GPHN: variants seen among roughly 807,000 people sequenced by gnomAD.
GPHN encodes gephyrin.
A neutral mutation model predicts 95.5 loss-of-function variants in GPHN; 17 were observed. That is an observed-to-expected ratio of 0.18 (90% CI 0.12 to 0.27). GPHN has a LOEUF of 0.27. Among genes scored for constraint, GPHN ranks in the 10% least tolerant of loss-of-function variants. The pLI is 1.00. For missense variants in GPHN, 660 were observed against 978.1 expected, an observed-to-expected ratio of 0.67 and a Z score of 4.34; for synonymous variants, 320 against 322.5, an observed-to-expected ratio of 0.99 and a Z score of 0.08.
At chr14:67,608,882 TCTC>T in the GPHN span, among the ~76,000 whole-genome samples, 3 of 152,150 alleles carry the variant, frequency 2.0e-5, no homozygotes, top group Non-Finnish European at 4.4e-5. Context: ...ACAGTTTGAT[TCTC>T]CTGTTGTTTC....
intron 4 of GPHN, among the ~76,000 whole-genome samples, chr14:66,829,888 T>A (rs147758854): frequency 2.6e-5 from 4 of 151,924 alleles, no homozygotes; most frequent in Admixed American, 6.6e-5. Context: ...GCCTGTCACC[T>A]TTTTTTTGCA....
the GPHN span, among the ~76,000 whole-genome samples, chr14:67,285,680 T>C: frequency 6.6e-6 from 1 of 152,234 alleles, no homozygotes; most frequent in Admixed American, 6.5e-5. Context: ...CTTAGGTAAT[T>C]TTAATGTTTA....
chr14:66,551,891 A>G (rs917231590), intron 1 of GPHN, among the ~76,000 whole-genome samples: 4 of 152,152 alleles, frequency 2.6e-5, no homozygotes, highest in African/African-American at 7.2e-5. Flanking sequence ...ATCACCTCCC[A>G]CCAGGCCACT....
At chr14:67,588,342 C>CA in the GPHN span, 4 of 152,528 alleles carry the variant, frequency 2.6e-5, no homozygotes, top group Admixed American at 6.5e-5. Context: ...GTAAGACCAC[C>CA]AAAAATGAGT....
At chr14:67,010,681 G>A (rs1338559279) in intron 9 of GPHN, among the ~76,000 whole-genome samples, 3 of 151,880 alleles carry the variant, frequency 2.0e-5, no homozygotes, top group South Asian at 2.1e-4. Context: ...TTTAAAACAT[G>A]TGGGATGTAA....
the GPHN span, among the ~76,000 whole-genome samples, chr14:67,402,482 T>A: frequency 1.3e-5 from 2 of 152,232 alleles, no homozygotes; most frequent in Non-Finnish European, 2.9e-5. Flanking sequence ...TTATTGACTA[T>A]AGTCACCCTG....
the GPHN span, among the ~76,000 whole-genome samples, chr14:67,469,859 C>T: frequency 6.6e-6 from 1 of 152,254 alleles, no homozygotes; most frequent in East Asian, 1.9e-4. Flanking sequence ...TTGGGGGTAC[C>T]CTCAGCCACC....
the GPHN span, among the ~76,000 whole-genome samples, chr14:67,625,672 C>T: frequency 1.7e-5 from 2 of 115,170 alleles, no homozygotes; most frequent in African/African-American, 7.3e-5. Context: ...GAGAGCAAAA[C>T]TCCATCTCAA....
At chr14:66,862,196 G>A (rs1485180010) in intron 4 of GPHN, among the ~76,000 whole-genome samples, 1 of 151,970 alleles carries the variant, frequency 6.6e-6, no homozygotes, top group Non-Finnish European at 1.5e-5. Flanking sequence ...AATCATTAGT[G>A]GCTACTATGA....
At chr14:67,679,536 T>G in the GPHN span, among the ~76,000 whole-genome samples, 2 of 152,024 alleles carry the variant, frequency 1.3e-5, no homozygotes, top group African/African-American at 4.8e-5. Flanking sequence ...CCAGAGTAGC[T>G]GGGATTATAG....
chr14:67,214,913 A>C, the GPHN span, among the ~76,000 whole-genome samples: 2 of 152,008 alleles, frequency 1.3e-5, no homozygotes, highest in Non-Finnish European at 2.9e-5. Flanking sequence ...TAGGTATTTT[A>C]TTCCCTTTGA....
rs756320626 is a variant in GPHN, at chr14:67,159,411, G to A, written c.1837-4G>A. 1.9e-6 allele frequency: 3 copies of A among 1,564,458 alleles called. No homozygotes were observed. In the East Asian group the frequency reaches 6.7e-5, roughly 35 times the overall value. On this transcript the variant is annotated splice_polypyrimidine_tract_variant and splice_region_variant and intron_variant, in intron 18 of 22. Transcript: ENST00000478722. Reference sequence around the variant, plus strand: ...AGTAAAGTGATTATTTTTAATGTTTGCAGGACTATCTCAAGCAGGTGCTGG... The same window carrying A: ...AGTAAAGTGATTATTTTTAATGTTTACAGGACTATCTCAAGCAGGTGCTGG...
the GPHN span, among the ~76,000 whole-genome samples, chr14:67,403,287 C>T: frequency 1.3e-5 from 2 of 152,264 alleles, no homozygotes; most frequent in East Asian, 1.9e-4. Context: ...GGTAGTCAAA[C>T]ATGGGAAAAC....
rs544218305 is a variant in GPHN at position 66,539,278 on chromosome 14, C to G, written c.64+30687C>G. 6.6e-5 allele frequency among the ~76,000 whole-genome samples: 10 copies of G among 152,212 alleles called. No homozygotes were observed. In the South Asian group the frequency reaches 8.3e-4, roughly 13 times the overall value. ...CACTGTAATACTGAGGGAGATTTCA[C>G]TCTGCCCTTCTAGCACGTCTCCCAG... On this transcript the variant is annotated intron_variant, in intron 1 of 22. Coordinates refer to ENST00000478722, the MANE Select transcript of GPHN (RefSeq NM_020806.5).
At chr14:67,333,025 C>G in the GPHN span, 1 of 1,358,838 alleles carries the variant, frequency 7.4e-7, no homozygotes, top group Non-Finnish European at 1.0e-6. Context: ...GACTGCCCGA[C>G]ACTGCAGCAA....
rs752888072 is a variant in GPHN at position 67,159,398 on chromosome 14, A to G, written c.1837-17A>G. ...TAAAATGTTTGAAAGTAAAGTGATT[A>G]TTTTTAATGTTTGCAGGACTATCTC... On this transcript the variant is annotated splice_polypyrimidine_tract_variant and intron_variant, in intron 18 of 22. Transcript: ENST00000478722. 3.4e-6 allele frequency: 5 copies of G among 1,461,092 alleles called. No individual in the cohort carries two copies. Among genetic ancestry groups the G allele is most frequent in the Non-Finnish European group, 2.9e-6 (3 of 1,040,288 alleles). The allele number at this position is 1,461,092 out of a possible 1,614,324, so 90.5% of individuals were successfully genotyped here. A position where few individuals can be genotyped will look rare whatever the true frequency, so the allele number is the denominator to read the frequency against.
intron 8 of GPHN, among the ~76,000 whole-genome samples, chr14:66,954,930 A>G (rs746363981): frequency 5.9e-5 from 9 of 152,272 alleles, no homozygotes; most frequent in Admixed American, 5.2e-4. Flanking sequence ...TTCTTATCTT[A>G]TGGTGAGCCA....
At chr14:66,729,914 G>C (rs1483041320) in intron 2 of GPHN, among the ~76,000 whole-genome samples, 1 of 152,154 alleles carries the variant, frequency 6.6e-6, no homozygotes, top group African/African-American at 2.4e-5. Context: ...GTTCTGATCT[G>C]ATCTCCCACT....
chr14:66,594,467 A>G (rs1257041379), intron 1 of GPHN, among the ~76,000 whole-genome samples: 4 of 152,222 alleles, frequency 2.6e-5, no homozygotes, highest in African/African-American at 9.7e-5. Context: ...ATAAAAGCAG[A>G]CACACAGACT....
Sources: allele counts gnomAD v4.1 joint callset (sites outside exome capture counted in the v4.1 genomes callset), GRCh38; gene constraint gnomAD v4.1.1; transcripts MANE v1.5; gene names NCBI Gene and HGNC (gene_info 2026-07-23, HGNC 2026-07-21).